Variants in GFPT1 observed in about 807,000 individuals in gnomAD.
GFPT1 encodes glutamine--fructose-6-phosphate aminotransferase [isomerizing] 1.
A neutral mutation model predicts 92.0 loss-of-function variants in GFPT1; 40 were observed. That is an observed-to-expected ratio of 0.43 (90% confidence interval 0.34 to 0.57). The LOEUF is 0.57. GFPT1 is among the 20% of genes least tolerant of loss of function. The pLI is 0.02. For missense variants in GFPT1, 448 were observed against 869.1 expected (o/e 0.52, Z 6.09); for synonymous variants, 269 against 280.6 (o/e 0.96, Z 0.41).
At position 69,339,087 on chromosome 2, in the gene GFPT1, T is replaced by C. The variant is rs533333776; in HGVS notation, c.1204-522A>G. ...GCATGAGCCACTGCGCCTGGACACATACATTCTTATAAGGAAACATACCCA... is the reference window on the plus strand; with the variant it reads ...GCATGAGCCACTGCGCCTGGACACACACATTCTTATAAGGAAACATACCCA... On this transcript the variant is annotated intron_variant, in intron 13 of 19. Transcript: ENST00000357308. Among the ~76,000 whole-genome samples the C allele has an allele frequency of 3.3e-5, 5 of 152,318 alleles. No individual in the cohort carries two copies. The East Asian group carries it at 5.8e-4, about 18-fold the overall frequency.
intron 9 of GFPT1, among the ~76,000 whole-genome samples, chr2:69,351,568 T>C (rs1671207642): frequency 6.6e-6 from 1 of 152,232 alleles, no homozygotes; most frequent in Admixed American, 6.5e-5. Flanking sequence ...TTATACATTG[T>C]ACACATGTAT....
chr2:69,344,475 T>A (rs1336948428), intron 12 of GFPT1, among the ~76,000 whole-genome samples: 1 of 152,046 alleles, frequency 6.6e-6, no homozygotes, highest in Non-Finnish European at 1.5e-5. Context: ...GGGGAGGGGA[T>A]GGAGAGCACT....
chr2:69,358,583 C>A (rs1671398181), intron 5 of GFPT1, 120 bp from the exon 6 acceptor site: 1 of 729,438 alleles, frequency 1.4e-6, no homozygotes, highest in Non-Finnish European at 2.3e-6. Flanking sequence ...ACACCATATC[C>A]CATTATTCAA....
chr2:69,358,579 T>C, intron 5 of GFPT1, 116 bp from the exon 6 acceptor site: 2 of 736,906 alleles, frequency 2.7e-6, no homozygotes. Flanking sequence ...TTGAACACCA[T>C]ATCCCATTAT....
chr2:69,338,520 C>T lies in GFPT1; in HGVS notation c.1249G>A (p.Glu417Lys), dbSNP rs1463592456. 6.2e-7 allele frequency: 1 copy of T among 1,613,222 alleles called. No homozygotes were observed. Among genetic ancestry groups the T allele is most frequent in the Admixed American group, 1.7e-5 (1 of 60,008 alleles). Residue 417 changes from glutamate (E) to lysine (K), a missense_variant, in exon 14 of 20, where the codon GAA (glutamate) becomes AAA (lysine). Physicochemically the swap from Glu to Lys is moderately conservative, Grantham distance 56 (BLOSUM62 1). Around this residue, in one of 7 missense-constraint regions of GFPT1, gnomAD observed 121 missense variants for 304.3 expected, o/e 0.40. Transcript: ENST00000357308. The part of the protein sequence containing the change: ...EELTELPVMV[E>K]LASDFLDRNT... The stretch of plus-strand genomic sequence containing the variant: ...CTGTCCAGGAAGTCACTTGCTAGTT[C>T]CACCATCACAGGCAACTCAGTCAGC...
chr2:69,356,349 AGAAG>A (rs1671337471), intron 7 of GFPT1, 143 bp downstream of exon 7: 1 of 719,392 alleles, frequency 1.4e-6, no homozygotes, highest in African/African-American at 1.8e-5. Context: ...GCAACAGACA[AGAAG>A]GAAGATGTGA....
Position 69,359,162 on chromosome 2 carries a change from T to C in GFPT1, c.408+106A>G, listed in dbSNP as rs1020806951. The C allele has an allele frequency of 2.4e-5, 18 of 739,370 alleles. No individual in the cohort carries two copies. The African/African-American group carries it at 2.9e-4, about 12-fold the overall frequency. 45.8% of individuals were successfully genotyped at this position (739,370 alleles called of 1,614,324 possible). On this transcript the variant is annotated intron_variant, in intron 5 of 19. Transcript: ENST00000357308. ...CCCTTGGAATTGTCCAAGAAATTAA[T>C]TGATGACACACATATGGTGTTTGTT... is the stretch of plus-strand genomic sequence containing the variant.
At chr2:69,360,700 A>G (rs1671451727) in intron 4 of GFPT1, among the ~76,000 whole-genome samples, 2 of 151,998 alleles carry the variant, frequency 1.3e-5, no homozygotes, top group Admixed American at 1.3e-4. Context: ...CAGTGTCTTG[A>G]GATTACAGAC....
chr2:69,333,551 T>A (rs1012838850), intron 15 of GFPT1, among the ~76,000 whole-genome samples: 1 of 152,238 alleles, frequency 6.6e-6, no homozygotes, highest in African/African-American at 2.4e-5. Flanking sequence ...AAATGCTGAC[T>A]CTGAAATTTT....
At position 69,354,419 on chromosome 2, in the gene GFPT1, G is replaced by A. The variant is rs189064196; in HGVS notation, c.685+70C>T. Reference sequence around the variant, plus strand: ...ATATACATGTGCATCTGACCAAAGAGCCATCTATTCCAACTTAAGGAAAAT... The same window carrying A: ...ATATACATGTGCATCTGACCAAAGAACCATCTATTCCAACTTAAGGAAAAT... On this transcript the variant is annotated intron_variant, in intron 8 of 19. Coordinates refer to ENST00000357308, the MANE Select transcript of GFPT1 (RefSeq NM_001244710.2). The A allele has an allele frequency of 3.4e-5, 43 of 1,280,392 alleles. No individual in the cohort carries two copies. The Admixed American group carries it at 6.7e-4, about 20-fold the overall frequency. The allele number at this position is 1,280,392 out of a possible 1,614,324, so 79.3% of individuals were successfully genotyped here. A position where few individuals can be genotyped will look rare whatever the true frequency, so the allele number is the denominator to read the frequency against.
At chr2:69,328,984 C>A (rs947362681) in intron 17 of GFPT1, among the ~76,000 whole-genome samples, 1 of 152,130 alleles carries the variant, frequency 6.6e-6, no homozygotes, top group Non-Finnish European at 1.5e-5. Context: ...GGATTATAGA[C>A]GTGAGCCACT....
chr2:69,373,253 T>C (rs1197807757), intron 2 of GFPT1, among the ~76,000 whole-genome samples: 2 of 152,216 alleles, frequency 1.3e-5, no homozygotes, highest in Non-Finnish European at 2.9e-5. Flanking sequence ...TAGGAACCTC[T>C]GACATAGTTG....
At chr2:69,338,868 C>T (rs1039178099) in intron 13 of GFPT1, among the ~76,000 whole-genome samples, 2 of 140,884 alleles carry the variant, frequency 1.4e-5, no homozygotes, top group African/African-American at 2.7e-5. Flanking sequence ...GGTGCCATCT[C>T]GGCTCACCGT....
intron 9 of GFPT1, among the ~76,000 whole-genome samples, chr2:69,350,536 CAAT>C (rs1308464948): frequency 1.3e-5 from 2 of 151,894 alleles, no homozygotes; most frequent in Non-Finnish European, 2.9e-5. Context: ...TTATACAAAA[CAAT>C]GATCTTAACA....
rs191806804 is a variant in GFPT1, at chr2:69,352,471, G to C, written c.739+1788C>G. ...CTACTAAAAATAGAAAAATTTGCTG[G>C]GTGTGGTGGCACGTGCCTGTAATCC... On this transcript the variant is annotated intron_variant, in intron 9 of 19. Transcript: ENST00000357308. Among the ~76,000 whole-genome samples the C allele has an allele frequency of 6.2e-3, 938 of 151,272 alleles. 8 individuals are homozygous for C. The highest frequency in any genetic ancestry group is 0.021 in the African/African-American group (881 of 41,226).
chr2:69,364,746 C>T (rs1574075844), intron 3 of GFPT1, among the ~76,000 whole-genome samples: 1 of 152,272 alleles, frequency 6.6e-6, no homozygotes, highest in East Asian at 1.9e-4. Context: ...CCTGTAATCC[C>T]AGCACTTCGG....
In GFPT1 at chr2:69,372,895, C is replaced by T. The variant is rs554784818; in HGVS notation, c.115+1111G>A. 3.9e-4 allele frequency among the ~76,000 whole-genome samples: 59 copies of T among 152,320 alleles called. 1 individual carries two copies. Among genetic ancestry groups the T allele is most frequent in the African/African-American group, 1.3e-3 (56 of 41,568 alleles). On this transcript the variant is annotated intron_variant, in intron 2 of 19. Transcript: ENST00000357308. ...TTGGCCCTTCACTGGTGTCTAGAAA[C>T]TTGGTTTTTGGAAGGATTCCTACCA...
rs1671668487 is a variant in GFPT1 at position 69,368,635 on chromosome 2, A to G, written c.223+1366T>C. On this transcript the variant is annotated intron_variant, in intron 3 of 19. Coordinates refer to ENST00000357308, the MANE Select transcript of GFPT1 (RefSeq NM_001244710.2). Reference sequence around the variant, plus strand: ...TCCCAGCCACTCGGGAGTCTGAAACAGGAGAATCGCTTGAATCTGGGAGGC... The same window carrying G: ...TCCCAGCCACTCGGGAGTCTGAAACGGGAGAATCGCTTGAATCTGGGAGGC... Among the ~76,000 whole-genome samples the G allele has an allele frequency of 1.3e-5, 2 of 152,150 alleles. 1 individual carries two copies. Among genetic ancestry groups the G allele is most frequent in the East Asian group, 3.9e-4 (2 of 5,190 alleles).
rs1670461814 is a variant in GFPT1, at chr2:69,323,552, AC to A, written c.*2636del. The stretch of plus-strand genomic sequence containing the variant: ...CTCACTCTGTCACTCAAGCTGAAGC[AC>A]AGTGGCACAATCACAGCTCACTGCA... On this transcript the variant is annotated 3_prime_UTR_variant, in exon 20 of 20. Transcript: ENST00000357308. 1 of 152,258 alleles carries A rather than the reference AC, an allele frequency of 6.6e-6. No individual in the cohort carries two copies. Among genetic ancestry groups the A allele is most frequent in the African/African-American group, 2.4e-5 (1 of 41,454 alleles). The allele number at this position is 152,258 out of a possible 1,614,324, so 9.4% of individuals were successfully genotyped here.
Sources: allele counts gnomAD v4.1 joint callset (sites outside exome capture counted in the v4.1 genomes callset), GRCh38; gene constraint gnomAD v4.1.1; regional missense constraint gnomAD v4.1.1; transcripts MANE v1.5; gene names NCBI Gene and HGNC (gene_info 2026-07-23, HGNC 2026-07-21).